USP49: variants seen among roughly 807,000 people sequenced by gnomAD.
USP49 encodes ubiquitin specific peptidase 49, also known as ubiquitin carboxyl-terminal hydrolase 49.
Under a neutral mutation model 58.6 loss-of-function variants are expected in USP49, and 24 were observed. The observed-to-expected ratio is 0.41, with a 90% confidence interval of 0.30 to 0.58. The LOEUF is 0.58. Among genes scored for constraint, USP49 ranks in the 20% least tolerant of loss-of-function variants. The probability of loss-of-function intolerance (pLI) is 0.30; values close to 1 mark genes in which losing one functional copy is unlikely to be tolerated. For synonymous variants in USP49, 408 were observed against 365.1 expected (o/e 1.12, Z -1.34); for missense variants, 703 against 866.1 (o/e 0.81, Z 2.36).
chr6:41,873,372 A>G (rs1774449010), intron 2 of USP49, among the ~76,000 whole-genome samples: 1 of 152,236 alleles, frequency 6.6e-6, no homozygotes, highest in Non-Finnish European at 1.5e-5. Flanking sequence ...ATGTGGGTGC[A>G]CTATGGTGCA....
rs538886251 is a variant in USP49, at chr6:41,796,522, A to C, written c.*11T>G. ...ATACACAAAAGCCAGTCTTTGATAC[A>C]TGCCTCCCATTCAGGAAAATGTCTG... is the stretch of plus-strand genomic sequence containing the variant. On this transcript the variant is annotated 3_prime_UTR_variant, in exon 8 of 8. Transcript: ENST00000682992. The C allele has an allele frequency of 2.1e-5, 15 of 716,786 alleles. No individual in the cohort carries two copies. In the African/African-American group the frequency reaches 2.6e-4, roughly 12 times the overall value. The allele number at this position is 716,786 out of a possible 1,614,324, so 44.4% of individuals were successfully genotyped here.
chr6:41,829,479 A>G (rs1288028611), intron 3 of USP49, among the ~76,000 whole-genome samples: 7 of 152,078 alleles, frequency 4.6e-5, no homozygotes. Flanking sequence ...ATGCCCGGCT[A>G]ATTTTGTATT....
In USP49 at chr6:41,806,979, T is replaced by C. The variant is rs778120364; in HGVS notation, c.5A>G (p.Asp2Gly). The C allele has an allele frequency of 6.4e-7, 1 of 1,564,892 alleles. No individual in the cohort carries two copies. The highest frequency in any genetic ancestry group is 1.1e-5 in the South Asian group (1 of 87,304). Residue 2 changes from aspartate (D) to glycine (G), a missense_variant, in exon 4 of 8, where the codon GAT becomes GGT. Around this residue, in one of 6 missense-constraint regions of USP49, gnomAD observed 376 missense variants for 373.5 expected, o/e 1.01. Coordinates refer to ENST00000682992, the MANE Select transcript of USP49 (RefSeq NM_001286554.2). This position sits in a 1 kb window ranked among gnomAD's most constrained non-coding sequence, Gnocchi z 5.9. The stretch of plus-strand genomic sequence containing the variant: ...TAACCGCCCTACATGTTTGCATCTA[T>C]CCATGTCTTATAGAAGTCGCCACTT... M[D>G]RCKHVGRLRL...
intron 6 of USP49, 53 bp from the exon 7 acceptor site, chr6:41,798,982 A>G (rs1772944080): frequency 6.4e-7 from 1 of 1,564,890 alleles, no homozygotes; most frequent in African/African-American, 1.4e-5. Context: ...ATATAATCGT[A>G]GGTAGAGGTA....
chr6:41,802,407 T>TTTTTTTTTTATTTTATTTTATTTTA (rs1554142774), intron 5 of USP49, among the ~76,000 whole-genome samples: 1 of 76,100 alleles, frequency 1.3e-5, no homozygotes, highest in Non-Finnish European at 2.8e-5. Flanking sequence ...TTTATTTTAT[T>TTTTTTTTTTATTTTATTTTATTTTA]TTTTATTTTA....
At chr6:41,884,006 A>G (rs1213839785) in intron 2 of USP49, among the ~76,000 whole-genome samples, 1 of 152,088 alleles carries the variant, frequency 6.6e-6, no homozygotes, top group Non-Finnish European at 1.5e-5. Context: ...AGCTAAATCT[A>G]CATCCACATG....
Position 41,793,771 on chromosome 6 carries a change from A to C in USP49, c.*2762T>G, listed in dbSNP as rs1772839798. On this transcript the variant is annotated 3_prime_UTR_variant, in exon 8 of 8. Coordinates refer to ENST00000682992, the MANE Select transcript of USP49 (RefSeq NM_001286554.2). ...GTCAGGCTAGATTGAGGTAAAAAAA[A>C]ATCCTTTTTGAGGGCCTAGGTGCAC... 2 of 152,204 alleles carry C rather than the reference A, an allele frequency of 1.3e-5. No homozygotes were observed. Among genetic ancestry groups the C allele is most frequent in the African/African-American group, 4.8e-5 (2 of 41,448 alleles). 9.4% of individuals were successfully genotyped at this position (152,204 alleles called of 1,614,324 possible).
At position 41,796,551 on chromosome 6, in the gene USP49, T is replaced by C. The variant is rs1451221410; in HGVS notation, c.2049A>G (p.Arg683=). 2 of 717,428 alleles carry C rather than the reference T, an allele frequency of 2.8e-6. No individual in the cohort carries two copies. The highest frequency in any genetic ancestry group is 2.0e-5 in the Admixed American group (1 of 50,018). The allele number at this position is 717,428 out of a possible 1,614,324, so 44.4% of individuals were successfully genotyped here. ...CTCCCATTCAGGAAAATGTCTGTGG[T>C]CTGCCTTCATCATTGTTGCTGGACT... ...QVQSSNNDEG[R]PQTFS Residue 683 remains arginine (R), a synonymous_variant, in exon 8 of 8, where the codon AGA becomes AGG. Coordinates refer to ENST00000682992, the MANE Select transcript of USP49 (RefSeq NM_001286554.2).
chr6:41,855,641 A>G (rs766998367), intron 3 of USP49, among the ~76,000 whole-genome samples: 2 of 152,196 alleles, frequency 1.3e-5, no homozygotes, highest in Non-Finnish European at 2.9e-5. Flanking sequence ...TTACTGCCAC[A>G]CAATCTGATC....
rs1772856585 is a variant in USP49 at position 41,794,648 on chromosome 6, G to A, written c.*1885C>T. 1 of 152,142 alleles carries A rather than the reference G, an allele frequency of 6.6e-6. No homozygotes were observed. The highest frequency in any genetic ancestry group is 6.5e-5 in the Admixed American group (1 of 15,270). The allele number at this position is 152,142 out of a possible 1,614,324, so 9.4% of individuals were successfully genotyped here. ...AGTACAGCTTCACATCAGAGCCTCT[G>A]GCAGCATGGACAGCGGTGACACTTT... is the stretch of plus-strand genomic sequence containing the variant. On this transcript the variant is annotated 3_prime_UTR_variant, in exon 8 of 8. Coordinates refer to ENST00000682992, the MANE Select transcript of USP49 (RefSeq NM_001286554.2).
rs750214578 is a variant in USP49, at chr6:41,805,908, C to T, written c.1076G>A (p.Arg359His). ...EPSSKHISLC[R>H]ELHTLFRVMW... ...GACTCGGAAGAGGGTGTGCAGTTCA[C>T]GGCAGAGGGAAATGTGCTTTGAACT... Residue 359 changes from arginine to histidine, a missense_variant, in exon 4 of 8, where the codon CGT (arginine) becomes CAT (histidine). Around this residue, in one of 6 missense-constraint regions of USP49, gnomAD observed 66 missense variants for 116.0 expected, o/e 0.57. Coordinates refer to ENST00000682992, the MANE Select transcript of USP49 (RefSeq NM_001286554.2). The T allele has an allele frequency of 1.1e-5, 18 of 1,613,994 alleles. No homozygotes were observed. Among genetic ancestry groups the T allele is most frequent in the Admixed American group, 1.7e-5 (1 of 60,024 alleles).
chr6:41,867,768 A>G (rs1332143158), intron 3 of USP49, among the ~76,000 whole-genome samples: 1 of 151,726 alleles, frequency 6.6e-6, no homozygotes, highest in African/African-American at 2.4e-5. Context: ...CAAACAAACA[A>G]AAACCAAACA....
At chr6:41,866,449 G>A (rs988968340) in intron 3 of USP49, among the ~76,000 whole-genome samples, 1 of 152,134 alleles carries the variant, frequency 6.6e-6, no homozygotes, top group Non-Finnish European at 1.5e-5. Context: ...GAACACAGTG[G>A]GTGTTCAGTT....
intron 3 of USP49, among the ~76,000 whole-genome samples, chr6:41,828,640 G>C (rs937271598): frequency 6.6e-6 from 1 of 152,206 alleles, no homozygotes; most frequent in Admixed American, 6.5e-5. Flanking sequence ...CTGGCAGTCA[G>C]ATGTGTTGTA....
At chr6:41,844,044 C>CA (rs1773876380) in intron 3 of USP49, among the ~76,000 whole-genome samples, 1 of 150,790 alleles carries the variant, frequency 6.6e-6, no homozygotes, top group Non-Finnish European at 1.5e-5. Flanking sequence ...AAATCCATCT[C>CA]AAAAAATAAA....
rs3827633 is a variant in USP49, at chr6:41,792,108, A to C, written c.*4425T>G. 28,661 of 152,264 alleles carry C rather than the reference A, an allele frequency of 0.19. 3,299 individuals are homozygous for C. The highest frequency in any genetic ancestry group is 0.29 in the East Asian group (1,505 of 5,184). 9.4% of individuals were successfully genotyped at this position (152,264 alleles called of 1,614,324 possible). A position where few individuals can be genotyped will look rare whatever the true frequency, so the allele number is the denominator to read the frequency against. ...AGAAACTGGCTGTAAACAGCCCTGC[A>C]GTGAAGAGACTGGGTCTTAGCACCT... On this transcript the variant is annotated 3_prime_UTR_variant, in exon 8 of 8. Coordinates refer to ENST00000682992, the MANE Select transcript of USP49 (RefSeq NM_001286554.2).
At chr6:41,801,536 A>G (rs1581989492) in intron 5 of USP49, among the ~76,000 whole-genome samples, 1 of 152,194 alleles carries the variant, frequency 6.6e-6, no homozygotes, top group African/African-American at 2.4e-5. Context: ...GCTTGGCCTT[A>G]TTTTATATTC....
intron 3 of USP49, among the ~76,000 whole-genome samples, chr6:41,870,136 C>T (rs570843526): frequency 1.3e-5 from 2 of 152,338 alleles, no homozygotes; most frequent in Non-Finnish European, 2.9e-5. Context: ...AACTGGGATA[C>T]ATATGAGAAT....
At chr6:41,816,937 CTGAAG>C (rs1448257005) in intron 3 of USP49, among the ~76,000 whole-genome samples, 1 of 151,486 alleles carries the variant, frequency 6.6e-6, no homozygotes, top group African/African-American at 2.4e-5. Context: ...AATTCCTGAA[CTGAAG>C]TGATCTGCCC....
Sources: gnomAD v4.1 joint callset for allele counts (sites outside exome capture counted in the v4.1 genomes callset) on GRCh38, gnomAD v4.1.1 for gene constraint, gnomAD v4.1.1 regional missense constraint, Gnocchi (gnomAD v3.1) non-coding constraint, MANE v1.5 for transcripts, NCBI Gene and HGNC (gene_info 2026-07-23, HGNC 2026-07-21) for gene names.